The following BRWD3 variants were observed in gnomAD, a reference collection of about 807,000 sequenced individuals.
The protein encoded by BRWD3 is bromodomain and WD repeat-containing protein 3.
Under a neutral mutation model 149.7 loss-of-function variants are expected in BRWD3, and 10 were observed. The ratio of observed to expected loss-of-function variants is 0.07; its 90% CI spans 0.04 to 0.11. The LOEUF (loss-of-function observed/expected upper bound fraction) is 0.11, where lower values mean the gene tolerates loss of function less well. Ranked by LOEUF, BRWD3 falls within the 10% of genes least tolerant of loss-of-function variation. The pLI is 1.00. For synonymous variants in BRWD3, 504 were observed against 456.7 expected (o/e 1.10, Z -1.32); for missense variants, 940 against 1,373.2 (o/e 0.68, Z 4.99).
intron 25 of BRWD3, among the ~76,000 whole-genome samples, chrX:80,698,264 T>C (rs1297160949): frequency 1.8e-5 from 2 of 112,079 alleles, no homozygotes; most frequent in Non-Finnish European, 1.9e-5. Context: ...ATGGCAAAAC[T>C]GATCTTCATA....
chrX:80,696,690 GGTAT>G (rs1468831948), intron 26 of BRWD3, 45 bp downstream of exon 26: 1 of 1,176,969 alleles, frequency 8.5e-7, no homozygotes. Context: ...ATATACAATA[GGTAT>G]TAAAATACAC....
intron 6 of BRWD3, among the ~76,000 whole-genome samples, chrX:80,782,435 G>A (rs950159959): frequency 2.7e-5 from 3 of 111,344 alleles, no homozygotes; most frequent in Non-Finnish European, 5.6e-5. Flanking sequence ...AACTCTCCAG[G>A]ACATTGGACT....
Position 80,725,083 on chromosome X carries a change from G to C in BRWD3, c.1387-16C>G. 8.3e-7 allele frequency: 1 copy of C among 1,203,914 alleles called. No individual in the cohort carries two copies. ...CATCATGTCCCTATAATAAAAATCA[G>C]TATTAACAATGAAAGCAACACGAAA... On this transcript the variant is annotated splice_polypyrimidine_tract_variant and intron_variant, in intron 14 of 40. Transcript: ENST00000373275.
In BRWD3 at chrX:80,677,352, C is replaced by A. The variant is rs2072377620; in HGVS notation, c.4666G>T (p.Asp1556Tyr). The A allele has an allele frequency of 8.3e-7, 1 of 1,197,995 alleles. No individual in the cohort carries two copies. Among genetic ancestry groups the A allele is most frequent in the Non-Finnish European group, 1.1e-6 (1 of 889,348 alleles). The change falls in exon 41 of 41, where the codon GAT becomes TAT. Residue 1556 changes from aspartate to tyrosine, a missense_variant. This residue lies in a region of BRWD3 where 349 missense variants were observed against 419.6 expected (regional missense o/e 0.83). Transcript: ENST00000373275. ...VLPVKQDHSL[D>Y]GPLTNGDGRE... ...CCATCACCATTTGTAAGGGGTCCAT[C>A]AAGGGAGTGATCTAAATTAAAATGA...
At chrX:80,793,600 T>A in intron 5 of BRWD3, 22 bp downstream of exon 5, 1 of 1,202,691 alleles carries the variant, frequency 8.3e-7, no homozygotes, top group Non-Finnish European at 1.1e-6. Flanking sequence ...GATATCACAG[T>A]CCTAAATTCT....
rs2072758340 is a variant in BRWD3, at chrX:80,699,973, T to C, written c.2927A>G (p.Asn976Ser). Residue 976 changes from asparagine to serine, a missense_variant, in exon 25 of 41, where the codon AAC becomes AGC. Physicochemically the swap from Asn to Ser is conservative, Grantham distance 46 (BLOSUM62 1). Around this residue, in one of 6 missense-constraint regions of BRWD3, gnomAD observed 158 missense variants for 284.0 expected, o/e 0.56. Transcript: ENST00000373275. ...CAAACTTACCCTGAGATCCATTTTGTTCCATGGCTGTTTTTGTAAATTAAC... is the reference window on the plus strand; with the variant it reads ...CAAACTTACCCTGAGATCCATTTTGCTCCATGGCTGTTTTTGTAAATTAAC... ...YSVNLQKQPW[N>S]KMDLREQEFV... 8.3e-7 allele frequency: 1 copy of C among 1,207,856 alleles called. No homozygotes were observed. Among genetic ancestry groups the C allele is most frequent in the Non-Finnish European group, 1.1e-6 (1 of 892,679 alleles).
At chrX:80,713,152 G>C (rs2073015574) in intron 20 of BRWD3, among the ~76,000 whole-genome samples, 1 of 110,160 alleles carries the variant, frequency 9.1e-6, no homozygotes, top group Non-Finnish European at 1.9e-5. Flanking sequence ...GGGAAGTGAG[G>C]AGCCCCTCTG....
At chrX:80,729,181 T>TA (rs2073291731) in intron 13 of BRWD3, among the ~76,000 whole-genome samples, 1 of 111,521 alleles carries the variant, frequency 9.0e-6, no homozygotes, top group Non-Finnish European at 1.9e-5. Context: ...AATCTATAAA[T>TA]ACCTTGAAAA....
At chrX:80,779,475 C>A (rs1240123630) in intron 6 of BRWD3, among the ~76,000 whole-genome samples, 1 of 110,590 alleles carries the variant, frequency 9.0e-6, no homozygotes, top group Non-Finnish European at 1.9e-5. Flanking sequence ...TGCCTGTAAT[C>A]CCAACACTTT....
At chrX:80,807,244 T>C (rs1371965742) in intron 4 of BRWD3, among the ~76,000 whole-genome samples, 1 of 111,860 alleles carries the variant, frequency 8.9e-6, no homozygotes, top group African/African-American at 3.2e-5. Context: ...GAGAAATTGT[T>C]ACTATTAATA....
chrX:80,773,016 C>A (rs2147830632), intron 6 of BRWD3, among the ~76,000 whole-genome samples: 1 of 111,973 alleles, frequency 8.9e-6, no homozygotes, highest in Non-Finnish European at 1.9e-5. Context: ...TAGAACTTTT[C>A]TTGAAATGAC....
At chrX:80,783,177 G>C (rs936081648) in intron 6 of BRWD3, among the ~76,000 whole-genome samples, 1 of 110,371 alleles carries the variant, frequency 9.1e-6, no homozygotes, top group African/African-American at 3.3e-5. Context: ...CCTGAGGTCA[G>C]GAATCTAAGA....
At chrX:80,688,564 T>C (rs1285063875) in intron 33 of BRWD3, among the ~76,000 whole-genome samples, 1 of 111,329 alleles carries the variant, frequency 9.0e-6, no homozygotes, top group East Asian at 2.8e-4. Context: ...CTATTTCAGT[T>C]AAGTATCTCT....
chrX:80,722,881 G>A, intron 16 of BRWD3, 94 bp from the exon 17 acceptor site: 1 of 814,870 alleles, frequency 1.2e-6, no homozygotes, highest in East Asian at 3.3e-5. Flanking sequence ...TTTTAAATCA[G>A]AGAATCTTTT....
At chrX:80,801,823 ACT>A (rs2074300891) in intron 4 of BRWD3, among the ~76,000 whole-genome samples, 1 of 110,738 alleles carries the variant, frequency 9.0e-6, no homozygotes, top group Admixed American at 9.6e-5. Context: ...ACAGAGCAAA[ACT>A]CTGTCTCAAA....
chrX:80,784,389 T>C (rs1255881586), intron 6 of BRWD3, among the ~76,000 whole-genome samples: 1 of 111,754 alleles, frequency 8.9e-6, no homozygotes, highest in African/African-American at 3.3e-5. Context: ...TTAAACACAC[T>C]TTTTTTTATT....
At chrX:80,770,414 G>A (rs2073927014) in intron 6 of BRWD3, among the ~76,000 whole-genome samples, 1 of 111,613 alleles carries the variant, frequency 9.0e-6, no homozygotes, top group South Asian at 3.7e-4. Context: ...CAATAAAGTT[G>A]GCTTTATCCC....
At chrX:80,781,981 T>C (rs1439792338) in intron 6 of BRWD3, among the ~76,000 whole-genome samples, 1 of 111,897 alleles carries the variant, frequency 8.9e-6, no homozygotes, top group Non-Finnish European at 1.9e-5. Flanking sequence ...ACCAATGACA[T>C]TCTTCACAGA....
At chrX:80,734,282 T>C (rs1461892664) in intron 10 of BRWD3, 64 bp from the exon 11 acceptor site, 1 of 727,688 alleles carries the variant, frequency 1.4e-6, no homozygotes, top group Non-Finnish European at 2.2e-6. Context: ...TCTCATTACT[T>C]CCTTAGTTGT....
Sources: gnomAD v4.1 joint callset for allele counts (sites outside exome capture counted in the v4.1 genomes callset) on GRCh38, gnomAD v4.1.1 for gene constraint, gnomAD v4.1.1 regional missense constraint, MANE v1.5 for transcripts, NCBI Gene and HGNC (gene_info 2026-07-23, HGNC 2026-07-21) for gene names.